Variants in SETBP1 observed in about 807,000 individuals in gnomAD.
SETBP1 encodes SET binding protein 1.
SETBP1 carries 9 observed loss-of-function variants against 101.0 expected under a neutral mutation model. The ratio of observed to expected loss-of-function variants is 0.09; its 90% CI spans 0.05 to 0.16. The LOEUF is 0.16. Among genes scored for constraint, SETBP1 ranks in the 10% least tolerant of loss-of-function variants. The probability of loss-of-function intolerance (pLI) is 1.00; values close to 1 mark genes in which losing one functional copy is unlikely to be tolerated. For missense variants in SETBP1, 1,858 were observed against 2,033.8 expected, an observed-to-expected ratio of 0.91 and a Z score of 1.66; for synonymous variants, 818 against 788.5, an observed-to-expected ratio of 1.04 and a Z score of -0.63.
intron 2 of SETBP1, among the ~76,000 whole-genome samples, chr18:44,805,317 T>A (rs1271346124): frequency 6.6e-6 from 1 of 152,084 alleles, no homozygotes; most frequent in African/African-American, 2.4e-5. Context: ...TGCTCAGCCA[T>A]ATGTCTGAGG....
intron 2 of SETBP1, among the ~76,000 whole-genome samples, chr18:44,751,535 T>C (rs1047150641): frequency 5.9e-5 from 9 of 152,144 alleles, no homozygotes; most frequent in African/African-American, 2.2e-4. Flanking sequence ...TTACTATTTA[T>C]AGTTATTTGC....
At chr18:44,861,497 G>A (rs2069011519) in intron 2 of SETBP1, among the ~76,000 whole-genome samples, 1 of 151,798 alleles carries the variant, frequency 6.6e-6, no homozygotes, top group Non-Finnish European at 1.5e-5. Flanking sequence ...CTCCCAAAGT[G>A]GATTTCTTAT....
At chr18:44,846,473 G>A (rs748265908) in intron 2 of SETBP1, among the ~76,000 whole-genome samples, 1 of 152,108 alleles carries the variant, frequency 6.6e-6, no homozygotes, top group Non-Finnish European at 1.5e-5. Flanking sequence ...CTATGGATTT[G>A]CCTGTTCTGG....
intron 2 of SETBP1, among the ~76,000 whole-genome samples, chr18:44,780,414 A>C (rs913740883): frequency 2.0e-5 from 3 of 152,126 alleles, no homozygotes; most frequent in Non-Finnish European, 4.4e-5. Flanking sequence ...GACCTTAGCC[A>C]CTTTTTAGGA....
chr18:45,028,055 C>T (rs2073206273), intron 4 of SETBP1, among the ~76,000 whole-genome samples: 1 of 152,016 alleles, frequency 6.6e-6, no homozygotes, highest in South Asian at 2.1e-4. Context: ...TACATGTGCA[C>T]AACGTGCAGG....
intron 5 of SETBP1, among the ~76,000 whole-genome samples, chr18:45,061,728 A>G (rs2073893269): frequency 6.6e-6 from 1 of 152,242 alleles, no homozygotes; most frequent in Non-Finnish European, 1.5e-5. Context: ...TGAGAATGGT[A>G]TCCATGTTTT....
In SETBP1 at chr18:44,856,055, G is replaced by GTT. The variant is rs748514500; in HGVS notation, c.487-13162_487-13161dup. 3.7e-3 allele frequency among the ~76,000 whole-genome samples: 498 copies of GTT among 133,072 alleles called. 3 individuals are homozygous for GTT. The highest frequency in any genetic ancestry group is 0.011 in the African/African-American group (417 of 36,408). The allele number at this position is 133,072 out of a possible 152,430, so 87.3% of individuals were successfully genotyped here. The stretch of plus-strand genomic sequence containing the variant: ...TAGAAGCTGTTGCTTAATCCATCTT[G>GTT]TTTTTTTTTTTTTTCAGTCTGTAGA... On this transcript the variant is annotated intron_variant, in intron 2 of 5. Transcript: ENST00000649279.
Position 44,860,358 on chromosome 18 carries a change from C to A in SETBP1, c.487-8872C>A, listed in dbSNP as rs184763007. Reference sequence around the variant, plus strand: ...CAACCCAGATTGTGCTCCTGAGAAGCAACATATCTTTAGCTCTTTCCTCTT... The same window carrying A: ...CAACCCAGATTGTGCTCCTGAGAAGAAACATATCTTTAGCTCTTTCCTCTT... On this transcript the variant is annotated intron_variant, in intron 2 of 5. Transcript: ENST00000649279. Among the ~76,000 whole-genome samples the A allele has an allele frequency of 3.3e-5, 5 of 152,318 alleles. 1 individual carries two copies. The highest frequency in any genetic ancestry group is 3.3e-4 in the Admixed American group (5 of 15,302).
intron 5 of SETBP1, among the ~76,000 whole-genome samples, chr18:45,050,030 G>A (rs1261748247): frequency 1.3e-5 from 2 of 152,186 alleles, no homozygotes; most frequent in East Asian, 3.9e-4. Context: ...TGAGATGTGT[G>A]CTCTTAGGAA....
At chr18:45,034,894 T>TGGTGCTACATC (rs1291547272) in intron 4 of SETBP1, among the ~76,000 whole-genome samples, 1 of 152,194 alleles carries the variant, frequency 6.6e-6, no homozygotes, top group Non-Finnish European at 1.5e-5. Flanking sequence ...GTCCAGTCCG[T>TGGTGCTACATC]ACAAGGTTAA....
intron 1 of SETBP1, among the ~76,000 whole-genome samples, chr18:44,700,777 G>T (rs1390634572): frequency 6.6e-6 from 1 of 152,144 alleles, no homozygotes; most frequent in East Asian, 1.9e-4. Context: ...GGTGCAAAAA[G>T]CCAACCAAAT....
At chr18:44,918,284 C>A (rs971541974) in intron 3 of SETBP1, among the ~76,000 whole-genome samples, 3 of 152,322 alleles carry the variant, frequency 2.0e-5, no homozygotes, top group African/African-American at 7.2e-5. Context: ...GGGCAAGGGT[C>A]ACTGGGGTGG....
At chr18:45,057,937 T>C (rs1291461369) in intron 5 of SETBP1, among the ~76,000 whole-genome samples, 1 of 152,226 alleles carries the variant, frequency 6.6e-6, no homozygotes, top group African/African-American at 2.4e-5. Flanking sequence ...GCTAAGTCCA[T>C]TCTCTAGTTA....
intron 4 of SETBP1, among the ~76,000 whole-genome samples, chr18:44,991,458 G>T (rs2072376580): frequency 6.6e-6 from 1 of 151,818 alleles, no homozygotes; most frequent in South Asian, 2.1e-4. Flanking sequence ...AGATAAATAG[G>T]AATAGAAAGT....
intron 4 of SETBP1, among the ~76,000 whole-genome samples, chr18:45,012,287 A>T (rs1055271357): frequency 6.6e-6 from 1 of 152,150 alleles, no homozygotes; most frequent in Non-Finnish European, 1.5e-5. Flanking sequence ...TGGGGACAAA[A>T]ACCTGTATTG....
At chr18:45,062,957 A>G (rs1415495866) in intron 5 of SETBP1, 122 bp from the exon 6 acceptor site, 2 of 1,271,908 alleles carry the variant, frequency 1.6e-6, no homozygotes, top group Non-Finnish European at 2.2e-6. Context: ...ACGGAGACAT[A>G]CCCATAGCAT....
intron 2 of SETBP1, among the ~76,000 whole-genome samples, chr18:44,758,994 C>G (rs1035983522): frequency 6.6e-6 from 1 of 152,220 alleles, no homozygotes; most frequent in African/African-American, 2.4e-5. Flanking sequence ...TACACCCAAA[C>G]TCTCTTCAAA....
chr18:44,867,594 G>T (rs886341789), intron 2 of SETBP1, among the ~76,000 whole-genome samples: 2 of 152,176 alleles, frequency 1.3e-5, no homozygotes, highest in Admixed American at 1.3e-4. Context: ...TTCACCCTTA[G>T]TTCCTAGTAA....
intron 3 of SETBP1, among the ~76,000 whole-genome samples, chr18:44,947,539 C>T (rs193147446): frequency 1.4e-5 from 2 of 139,124 alleles, no homozygotes; most frequent in East Asian, 2.2e-4. Flanking sequence ...ACTCTTATTG[C>T]CCAGGTGCCC....
Sources: allele counts gnomAD v4.1 joint callset (sites outside exome capture counted in the v4.1 genomes callset), GRCh38; gene constraint gnomAD v4.1.1; transcripts MANE v1.5; gene names NCBI Gene and HGNC (gene_info 2026-07-23, HGNC 2026-07-21).